The following CYP51A1 variants were observed in gnomAD, a reference collection of about 807,000 sequenced individuals.
CYP51A1 encodes the protein lanosterol 14-alpha demethylase.
CYP51A1 carries 45 observed loss-of-function variants against 53.5 expected under a neutral mutation model. That is an observed-to-expected ratio of 0.84 (90% CI 0.66 to 1.08). CYP51A1 has a LOEUF of 1.08. Among genes scored for constraint, CYP51A1 ranks in the 50% least tolerant of loss-of-function variants. The probability of loss-of-function intolerance (pLI) is 0.00; values close to 1 mark genes in which losing one functional copy is unlikely to be tolerated. For synonymous variants in CYP51A1, 181 were observed against 217.7 expected, an observed-to-expected ratio of 0.83 and a Z score of 1.48; for missense variants, 462 against 621.7, an observed-to-expected ratio of 0.74 and a Z score of 2.73.
chr7:92,128,850 G>A, intron 3 of CYP51A1, 30 bp downstream of exon 3: 1 of 1,579,748 alleles, frequency 6.3e-7, no homozygotes, highest in Non-Finnish European at 8.6e-7. Flanking sequence ...GTATAGATTT[G>A]TCTTTATTTA....
intron 6 of CYP51A1, 70 bp from the exon 7 acceptor site, chr7:92,123,385 A>C (rs1054080123): frequency 2.4e-6 from 3 of 1,262,388 alleles, no homozygotes; most frequent in African/African-American, 3.0e-5. Context: ...CCTTTAAATA[A>C]AGTGTCATAA....
chr7:92,126,226 C>T (rs774432308), intron 5 of CYP51A1, 27 bp downstream of exon 5: 6 of 1,506,012 alleles, frequency 4.0e-6, no homozygotes, highest in Non-Finnish European at 5.4e-6. Flanking sequence ...GTTAAATAAC[C>T]TAGTGTAATA....
At chr7:92,116,746 A>G (rs1217233562) in intron 9 of CYP51A1, among the ~76,000 whole-genome samples, 1 of 152,218 alleles carries the variant, frequency 6.6e-6, no homozygotes, top group Non-Finnish European at 1.5e-5. Context: ...GAGAATCCAC[A>G]AAGAGCTTTA....
intron 1 of CYP51A1, among the ~76,000 whole-genome samples, chr7:92,133,258 ATT>A (rs57353833): frequency 1.4e-5 from 2 of 146,132 alleles, no homozygotes; most frequent in Non-Finnish European, 1.5e-5. Flanking sequence ...GAAGAAAATG[ATT>A]TTTTTTTTTT....
intron 2 of CYP51A1, among the ~76,000 whole-genome samples, chr7:92,131,213 G>T (rs77946543): frequency 0.015 from 2,313 of 152,254 alleles, 49 homozygotes; most frequent in African/African-American, 0.053. Flanking sequence ...ACCAGGAGAC[G>T]GTATGGTCTA....
intron 7 of CYP51A1, 130 bp downstream of exon 7, chr7:92,122,989 AT>A: frequency 4.5e-6 from 3 of 673,688 alleles, no homozygotes; most frequent in Non-Finnish European, 5.1e-6. Context: ...GTTATAGGGA[AT>A]TTGCTAAAAA....
intron 5 of CYP51A1, among the ~76,000 whole-genome samples, chr7:92,124,130 C>T (rs1412169113): frequency 6.6e-6 from 1 of 152,066 alleles, no homozygotes; most frequent in African/African-American, 2.4e-5. Flanking sequence ...AAACTAAAGG[C>T]CTAAAACAAG....
At chr7:92,124,628 C>T (rs1819758186) in intron 5 of CYP51A1, among the ~76,000 whole-genome samples, 1 of 152,202 alleles carries the variant, frequency 6.6e-6, no homozygotes, top group Admixed American at 6.5e-5. Flanking sequence ...TGAGGATCAA[C>T]TGAAACCATG....
chr7:92,113,077 A>G lies in CYP51A1; in HGVS notation c.*588T>C, dbSNP rs1213722173. 2 of 152,186 alleles carry G rather than the reference A, an allele frequency of 1.3e-5. No individual in the cohort carries two copies. The highest frequency in any genetic ancestry group is 2.9e-5 in the Non-Finnish European group (2 of 68,078). 9.4% of individuals were successfully genotyped at this position (152,186 alleles called of 1,614,324 possible). On this transcript the variant is annotated 3_prime_UTR_variant, in exon 10 of 10. Transcript: ENST00000003100. ...CTGGATCTCTTAATTTCCCATATGCAGTGATTTTAGTTAAAATTCCAAAGG... is the reference window on the plus strand; with the variant it reads ...CTGGATCTCTTAATTTCCCATATGCGGTGATTTTAGTTAAAATTCCAAAGG...
At chr7:92,127,009 G>T (rs934415673) in intron 4 of CYP51A1, among the ~76,000 whole-genome samples, 11 of 152,070 alleles carry the variant, frequency 7.2e-5, no homozygotes, top group Admixed American at 7.2e-4. Flanking sequence ...TGATCATCTG[G>T]CTTTCCAATT....
intron 8 of CYP51A1, among the ~76,000 whole-genome samples, chr7:92,117,874 G>C (rs539889685): frequency 6.6e-6 from 1 of 151,836 alleles, no homozygotes; most frequent in Non-Finnish European, 1.5e-5. Flanking sequence ...TGTAATCCCA[G>C]CTACTTGGGA....
intron 7 of CYP51A1, among the ~76,000 whole-genome samples, chr7:92,120,484 C>T (rs6973792): frequency 2.0e-5 from 3 of 151,992 alleles, no homozygotes; most frequent in Admixed American, 6.5e-5. Flanking sequence ...GACAGGGTTT[C>T]GCTATGTTGC....
intron 9 of CYP51A1, 46 bp from the exon 10 acceptor site, chr7:92,113,889 A>G (rs144284237): frequency 7.3e-7 from 1 of 1,365,838 alleles, no homozygotes; most frequent in Non-Finnish European, 1.0e-6. Flanking sequence ...ATTCTTTCTC[A>G]TCCTTTTTAG....
chr7:92,128,421 T>C (rs1819844270), intron 3 of CYP51A1, among the ~76,000 whole-genome samples: 1 of 145,882 alleles, frequency 6.9e-6, no homozygotes, highest in African/African-American at 2.6e-5. Flanking sequence ...TTTTGTTTGG[T>C]TGGTTTCTGT....
At chr7:92,119,432 CACAT>C (rs549257732) in intron 7 of CYP51A1, among the ~76,000 whole-genome samples, 120 of 152,286 alleles carry the variant, frequency 7.9e-4, no homozygotes, top group Middle Eastern at 3.4e-3. Flanking sequence ...CCCTAACACA[CACAT>C]ACAGAGCCTT....
At chr7:92,133,521 C>T (rs1252522281) in intron 1 of CYP51A1, among the ~76,000 whole-genome samples, 4 of 152,246 alleles carry the variant, frequency 2.6e-5, no homozygotes, top group African/African-American at 9.6e-5. Context: ...CCCGCTTCGG[C>T]CTCCCGAAGT....
chr7:92,121,480 C>A (rs534385427), intron 7 of CYP51A1, among the ~76,000 whole-genome samples: 2 of 152,162 alleles, frequency 1.3e-5, no homozygotes, highest in East Asian at 3.9e-4. Flanking sequence ...TATGACCCCC[C>A]AAAATTGAAA....
Position 92,112,890 on chromosome 7 carries a change from G to GGACTT in CYP51A1, c.*770_*774dup, listed in dbSNP as rs1040471134. On this transcript the variant is annotated 3_prime_UTR_variant, in exon 10 of 10. Coordinates refer to ENST00000003100, the MANE Select transcript of CYP51A1 (RefSeq NM_000786.4). ...GAGCCAAAACAAAATTATCCCCTAA[G>GGACTT]GACTTGACTTTGGACTTCCACATAA... is the stretch of plus-strand genomic sequence containing the variant. The GGACTT allele has an allele frequency of 4.7e-5, 7 of 150,024 alleles. No individual in the cohort carries two copies. The highest frequency in any genetic ancestry group is 1.3e-4 in the Admixed American group (2 of 15,054). The allele number at this position is 150,024 out of a possible 1,614,324, so 9.3% of individuals were successfully genotyped here. A position where few individuals can be genotyped will look rare whatever the true frequency, so the allele number is the denominator to read the frequency against.
At chr7:92,122,843 G>A (rs1017351572) in intron 7 of CYP51A1, among the ~76,000 whole-genome samples, 1 of 152,160 alleles carries the variant, frequency 6.6e-6, no homozygotes, top group African/African-American at 2.4e-5. Context: ...TATCCTCTAT[G>A]TACAGAAGCC....
Sources: gnomAD v4.1 joint callset for allele counts (sites outside exome capture counted in the v4.1 genomes callset) on GRCh38, gnomAD v4.1.1 for gene constraint, MANE v1.5 for transcripts, NCBI Gene and HGNC (gene_info 2026-07-23, HGNC 2026-07-21) for gene names.